PRKACB: variants seen among roughly 807,000 people sequenced by gnomAD.
The protein encoded by PRKACB is protein kinase cAMP-activated catalytic subunit beta, also known as cAMP-dependent protein kinase catalytic subunit beta.
A neutral mutation model predicts 51.4 loss-of-function variants in PRKACB; 16 were observed. The ratio of observed to expected loss-of-function variants is 0.31; its 90% confidence interval spans 0.21 to 0.47. The LOEUF (loss-of-function observed/expected upper bound fraction) is 0.47. Ranked by LOEUF, PRKACB falls within the 20% of genes least tolerant of loss-of-function variation. PRKACB has a pLI of 1.00. For missense variants in PRKACB, 309 were observed against 464.5 expected (o/e 0.67, Z 3.08); for synonymous variants, 147 against 154.4 (o/e 0.95, Z 0.35).
intron 1 of PRKACB, among the ~76,000 whole-genome samples, chr1:84,085,420 C>T (rs1413124467): frequency 2.6e-5 from 4 of 152,190 alleles, no homozygotes; most frequent in South Asian, 4.1e-4. Context: ...CTCCAAGTGA[C>T]GGTATAAAAT....
At chr1:84,195,839 G>A (rs1363598639) in intron 5 of PRKACB, among the ~76,000 whole-genome samples, 1 of 151,530 alleles carries the variant, frequency 6.6e-6, no homozygotes, top group Non-Finnish European at 1.5e-5. Context: ...CTTGAACCCA[G>A]GAGGCGGAGT....
intron 1 of PRKACB, among the ~76,000 whole-genome samples, chr1:84,110,087 T>C (rs960732836): frequency 2.6e-5 from 4 of 151,936 alleles, no homozygotes; most frequent in African/African-American, 9.7e-5. Flanking sequence ...TGTATGTCTA[T>C]TCAGATTTTC....
chr1:84,080,672 A>G (rs1381123217), intron 1 of PRKACB, among the ~76,000 whole-genome samples: 1 of 152,214 alleles, frequency 6.6e-6, no homozygotes, highest in Non-Finnish European at 1.5e-5. Context: ...TTACGTACCT[A>G]AATGTTCTGT....
At chr1:84,213,022 TGTA>T (rs1188715849) in intron 8 of PRKACB, among the ~76,000 whole-genome samples, 1 of 152,120 alleles carries the variant, frequency 6.6e-6, no homozygotes, top group Non-Finnish European at 1.5e-5. Flanking sequence ...TGGTAGTACT[TGTA>T]GTGGTAGCAC....
At chr1:84,135,211 C>A (rs998529404) in intron 1 of PRKACB, among the ~76,000 whole-genome samples, 1 of 152,084 alleles carries the variant, frequency 6.6e-6, no homozygotes, top group Non-Finnish European at 1.5e-5. Context: ...ATTTGGCAGT[C>A]AATTCTCCAA....
At chr1:84,182,429 A>G in intron 3 of PRKACB, 101 bp downstream of exon 3, 6 of 889,144 alleles carry the variant, frequency 6.7e-6, no homozygotes, top group Non-Finnish European at 7.6e-6. Context: ...GACAGCTTCA[A>G]ATAATTTTAT....
intron 1 of PRKACB, among the ~76,000 whole-genome samples, chr1:84,080,204 GATA>G (rs912396087): frequency 6.6e-6 from 1 of 152,084 alleles, no homozygotes; most frequent in Non-Finnish European, 1.5e-5. Context: ...TTTGGATAAT[GATA>G]ATAGACTCTT....
intron 8 of PRKACB, among the ~76,000 whole-genome samples, chr1:84,212,408 A>G (rs868422052): frequency 6.6e-6 from 1 of 152,194 alleles, no homozygotes; most frequent in Non-Finnish European, 1.5e-5. Flanking sequence ...TAACTTTACT[A>G]TAAAACCTAT....
intron 1 of PRKACB, among the ~76,000 whole-genome samples, chr1:84,093,345 A>G (rs1015127764): frequency 1.3e-5 from 2 of 151,850 alleles, no homozygotes; most frequent in African/African-American, 4.8e-5. Flanking sequence ...TGTTAATATC[A>G]GTATTTATTT....
chr1:84,211,233 A>G (rs1672100820), intron 8 of PRKACB, among the ~76,000 whole-genome samples: 1 of 152,120 alleles, frequency 6.6e-6, no homozygotes, highest in African/African-American at 2.4e-5. Context: ...TTTTTCATGC[A>G]TTCCACTGCA....
chr1:84,190,195 T>C (rs574173372), intron 5 of PRKACB, among the ~76,000 whole-genome samples: 1 of 152,036 alleles, frequency 6.6e-6, no homozygotes, highest in South Asian at 2.1e-4. Context: ...AAGAACCCAA[T>C]AAGGGATTTA....
In PRKACB at chr1:84,144,289, T is replaced by A; in HGVS notation, c.-73T>A. On this transcript the variant is annotated 5_prime_UTR_variant, in exon 1 of 10. Transcript: ENST00000370685. ...GTTTGACACATGCATAGCTCTTAGC[T>A]TCTGTGTAAGAAGTTGTGAGCTCCT... is the stretch of plus-strand genomic sequence containing the variant. 6.4e-7 allele frequency: 1 copy of A among 1,570,776 alleles called. No homozygotes were observed. The highest frequency in any genetic ancestry group is 8.6e-7 in the Non-Finnish European group (1 of 1,164,622).
chr1:84,174,379 AT>A (rs1198111168), intron 1 of PRKACB, among the ~76,000 whole-genome samples: 2 of 151,714 alleles, frequency 1.3e-5, no homozygotes, highest in Non-Finnish European at 2.9e-5. Context: ...CTGTCCAAGA[AT>A]TTCCCCCTCC....
intron 1 of PRKACB, among the ~76,000 whole-genome samples, chr1:84,133,832 G>A (rs1652511738): frequency 6.6e-6 from 1 of 151,898 alleles, no homozygotes; most frequent in South Asian, 2.1e-4. Context: ...TACTCTTTTA[G>A]CTTTGCCATC....
intron 7 of PRKACB, among the ~76,000 whole-genome samples, chr1:84,202,152 A>G (rs540841027): frequency 8.5e-5 from 13 of 152,240 alleles, no homozygotes; most frequent in Middle Eastern, 3.4e-3. Flanking sequence ...ACAAAATCCT[A>G]TGAAGCAGAT....
intron 1 of PRKACB, among the ~76,000 whole-genome samples, chr1:84,094,411 T>C (rs532723326): frequency 6.6e-6 from 1 of 152,162 alleles, no homozygotes; most frequent in South Asian, 2.1e-4. Flanking sequence ...ATATCCTTTT[T>C]TAATGTAATA....
chr1:84,172,402 A>G (rs746333652), intron 1 of PRKACB, among the ~76,000 whole-genome samples: 1 of 151,760 alleles, frequency 6.6e-6, no homozygotes, highest in African/African-American at 2.4e-5. Context: ...TTTTATGACT[A>G]TAAATTTACT....
intron 1 of PRKACB, among the ~76,000 whole-genome samples, chr1:84,171,945 C>T (rs914327120): frequency 1.3e-5 from 2 of 151,540 alleles, no homozygotes; most frequent in African/African-American, 2.4e-5. Flanking sequence ...GCTAAAGAAC[C>T]TAGGTATAAA....
upstream of PRKACB, among the ~76,000 whole-genome samples, chr1:84,140,310 T>C (rs1286563324): frequency 2.0e-5 from 3 of 152,190 alleles, no homozygotes; most frequent in Admixed American, 2.0e-4. Flanking sequence ...AATTTAGCCA[T>C]ATAAATGAGT....
Sources: allele counts gnomAD v4.1 joint callset (sites outside exome capture counted in the v4.1 genomes callset), GRCh38; gene constraint gnomAD v4.1.1; transcripts MANE v1.5; gene names NCBI Gene and HGNC (gene_info 2026-07-23, HGNC 2026-07-21).